The following KMT2C variants were observed in gnomAD, a reference collection of about 807,000 sequenced individuals.
KMT2C encodes the protein histone-lysine N-methyltransferase 2C.
Under a neutral mutation model 507.9 loss-of-function variants are expected in KMT2C, and 88 were observed. The observed-to-expected ratio is 0.17, with a 90% confidence interval of 0.15 to 0.21. The LOEUF is 0.21. KMT2C is among the 10% of genes least tolerant of loss of function. KMT2C has a pLI of 1.00. For missense variants in KMT2C, 4,954 were observed against 5,957.8 expected (o/e 0.83, Z 5.55); for synonymous variants, 2,049 against 2,080.8 (o/e 0.98, Z 0.42).
chr7:152,205,843 T>A (rs940301425), intron 24 of KMT2C, among the ~76,000 whole-genome samples: 1 of 152,216 alleles, frequency 6.6e-6, no homozygotes, highest in Non-Finnish European at 1.5e-5. Flanking sequence ...AAGTGATGGA[T>A]GACTGTCTGT....
At position 152,176,716 on chromosome 7, in the gene KMT2C, C is replaced by T. The variant is rs750871604; in HGVS notation, c.8737G>A (p.Gly2913Arg). 6.2e-7 allele frequency: 1 copy of T among 1,614,104 alleles called. No individual in the cohort carries two copies. The highest frequency in any genetic ancestry group is 8.5e-7 in the Non-Finnish European group (1 of 1,180,024). The change falls in exon 38 of 59, where the codon GGA becomes AGA. Residue 2913 changes from glycine (G) to arginine (R), a missense_variant. Gly to Arg is a moderately radical substitution (Grantham distance 125). Coordinates refer to ENST00000262189, the MANE Select transcript of KMT2C (RefSeq NM_170606.3). ...QDVINSCGIT[G>R]STPVLSSLLA... ...AAACTTGAGAGAACTGGAGTTGATC[C>T]AGTTATGCCACAAGAGTTTATTACA... is the stretch of plus-strand genomic sequence containing the variant.
rs140145860 is a variant in KMT2C, at chr7:152,302,062, C to T, written c.849+7904G>A. On this transcript the variant is annotated intron_variant, in intron 6 of 58. Transcript: ENST00000262189. Reference sequence around the variant, plus strand: ...ACAAAAAGAACAAAAATATTAAAAACGTACAACTCTTCTCACAGAACTAAG... The same window carrying T: ...ACAAAAAGAACAAAAATATTAAAAATGTACAACTCTTCTCACAGAACTAAG... 9.8e-4 allele frequency among the ~76,000 whole-genome samples: 149 copies of T among 151,888 alleles called. 1 individual carries two copies. The East Asian group carries it at 0.028, about 28-fold the overall frequency.
chr7:152,221,633 C>T (rs2094775685), intron 22 of KMT2C, among the ~76,000 whole-genome samples: 1 of 152,044 alleles, frequency 6.6e-6, no homozygotes, highest in African/African-American at 2.4e-5. Context: ...CCATACTAGG[C>T]TTATTAATTA....
Position 152,135,724 on chromosome 7 carries a change from A to G in KMT2C, c.*1108T>C, listed in dbSNP as rs1332955360. ...ACAGTTATCACAAATTGTAAGCACA[A>G]AAAAACCTGACTGAAGAAGTAGGGA... On this transcript the variant is annotated 3_prime_UTR_variant, in exon 59 of 59. Transcript: ENST00000262189. 1.8e-5 allele frequency: 4 copies of G among 227,578 alleles called. No homozygotes were observed. The highest frequency in any genetic ancestry group is 2.6e-5 in the Non-Finnish European group (3 of 114,416). 14.1% of individuals were successfully genotyped at this position (227,578 alleles called of 1,614,324 possible).
intron 3 of KMT2C, among the ~76,000 whole-genome samples, chr7:152,320,889 A>G (rs1275007096): frequency 6.6e-6 from 1 of 152,074 alleles, no homozygotes; most frequent in African/African-American, 2.4e-5. Flanking sequence ...TGCAGGCAAC[A>G]TTCTCTGACA....
chr7:152,199,832 A>ATTTGTAATCTATTGATTCATATAACC (rs2094078046), intron 26 of KMT2C, among the ~76,000 whole-genome samples: 2 of 152,154 alleles, frequency 1.3e-5, no homozygotes, highest in African/African-American at 4.8e-5. Context: ...CTTCAGGTAG[A>ATTTGTAATCTATTGATTCATATAACC]TTTGTAATCT....
At chr7:152,345,118 T>C (rs1172388108) in intron 2 of KMT2C, among the ~76,000 whole-genome samples, 1 of 150,508 alleles carries the variant, frequency 6.6e-6, no homozygotes, top group African/African-American at 2.4e-5. Flanking sequence ...TCCATTCCAT[T>C]ATATCAACAA....
intron 1 of KMT2C, among the ~76,000 whole-genome samples, chr7:152,391,142 C>CAAAAAAAAAAAAAAA (rs1195125465): frequency 1.7e-4 from 6 of 34,764 alleles, no homozygotes; most frequent in African/African-American, 5.2e-4. Flanking sequence ...AGACTGTCTC[C>CAAAAAAAAAAAAAAA]AAAAAAAAAA....
intron 3 of KMT2C, among the ~76,000 whole-genome samples, chr7:152,323,907 A>G (rs993318484): frequency 1.5e-4 from 23 of 151,816 alleles, no homozygotes; most frequent in African/African-American, 5.3e-4. Context: ...AGAGGATATC[A>G]TGCTAAGTGA....
intron 6 of KMT2C, among the ~76,000 whole-genome samples, chr7:152,291,487 A>T (rs2129186665): frequency 6.6e-6 from 1 of 152,410 alleles, no homozygotes; most frequent in Non-Finnish European, 1.5e-5. Context: ...AAATTTGTCC[A>T]ACTCAAGTCT....
intron 24 of KMT2C, among the ~76,000 whole-genome samples, chr7:152,205,684 C>T (rs1173364348): frequency 1.3e-5 from 2 of 152,030 alleles, no homozygotes; most frequent in African/African-American, 2.4e-5. Context: ...GTTATAACAC[C>T]GTAGCACAAT....
intron 6 of KMT2C, among the ~76,000 whole-genome samples, chr7:152,305,257 G>A (rs535658126): frequency 1.3e-5 from 2 of 152,216 alleles, no homozygotes; most frequent in Non-Finnish European, 1.5e-5. Flanking sequence ...TGATAAGTAC[G>A]AAAAAGAAAA....
chr7:152,330,180 A>G (rs899586968), intron 3 of KMT2C, among the ~76,000 whole-genome samples: 1,185 of 116,352 alleles, frequency 0.01, 20 homozygotes, highest in African/African-American at 0.035. Flanking sequence ...GGGGGGGGGG[A>G]GAAAAAGAAA....
At chr7:152,343,308 GA>G (rs2097016784) in intron 2 of KMT2C, among the ~76,000 whole-genome samples, 1 of 152,054 alleles carries the variant, frequency 6.6e-6, no homozygotes, top group African/African-American at 2.4e-5. Flanking sequence ...AAATGATAGA[GA>G]TTTTTTTAAA....
rs1197567810 is a variant in KMT2C, at chr7:152,347,601, TCA to T, written c.250+10984_250+10985del. Among the ~76,000 whole-genome samples the T allele has an allele frequency of 7.9e-5, 12 of 152,366 alleles. No individual in the cohort carries two copies. The East Asian group carries it at 2.1e-3, about 27-fold the overall frequency. On this transcript the variant is annotated intron_variant, in intron 2 of 58. Transcript: ENST00000262189. ...CAGTATGTACTACAGTAAATTTTAT[TCA>T]GTTATTATTTAATACTACATCTTTA...
At chr7:152,168,755 C>T (rs1166725868) in intron 41 of KMT2C, among the ~76,000 whole-genome samples, 2 of 152,188 alleles carry the variant, frequency 1.3e-5, no homozygotes, top group Non-Finnish European at 2.9e-5. Context: ...TCAGGGGCAC[C>T]TTGCATACCT....
chr7:152,237,429 C>G (rs2095298605), intron 15 of KMT2C, among the ~76,000 whole-genome samples: 1 of 152,194 alleles, frequency 6.6e-6, no homozygotes, highest in Non-Finnish European at 1.5e-5. Context: ...CTTGAGATCC[C>G]TTTTGAGAAG....
At chr7:152,368,001 C>T in intron 1 of KMT2C, 2 of 855,134 alleles carry the variant, frequency 2.3e-6, no homozygotes, top group Non-Finnish European at 3.9e-6. Flanking sequence ...AATCCAAGAA[C>T]ATAAAATTAA....
At chr7:152,390,105 G>A (rs962411093) in intron 1 of KMT2C, among the ~76,000 whole-genome samples, 7 of 152,194 alleles carry the variant, frequency 4.6e-5, no homozygotes, top group African/African-American at 1.4e-4. Context: ...CTACCTATTG[G>A]GTACTAGGGT....
Sources: gnomAD v4.1 joint callset for allele counts (sites outside exome capture counted in the v4.1 genomes callset) on GRCh38, gnomAD v4.1.1 for gene constraint, MANE v1.5 for transcripts, NCBI Gene and HGNC (gene_info 2026-07-23, HGNC 2026-07-21) for gene names.